The following SS18 variants were observed in gnomAD, a reference collection of about 807,000 sequenced individuals.
SS18 encodes the protein protein SSXT.
Under a neutral mutation model 72.5 loss-of-function variants are expected in SS18, and 28 were observed. That is an observed-to-expected ratio of 0.39 (90% CI 0.29 to 0.53). The LOEUF is 0.53. Among genes scored for constraint, SS18 ranks in the 20% least tolerant of loss-of-function variants. The pLI is 0.76. For synonymous variants in SS18, 172 were observed against 164.2 expected, an observed-to-expected ratio of 1.05 and a Z score of -0.37; for missense variants, 518 against 535.3, an observed-to-expected ratio of 0.97 and a Z score of 0.32.
chr18:26,069,016 T>C (rs2054267210), intron 3 of SS18, among the ~76,000 whole-genome samples: 1 of 152,164 alleles, frequency 6.6e-6, no homozygotes. Context: ...AGACATGCTT[T>C]TATGTACTCA....
rs1028431154 is a variant in SS18 at position 26,018,032 on chromosome 18, A to G, written c.*322T>C. ...AAATTCCCTTACCCTTCATAAACAT[A>G]CAAAGCTGTTCACACCTTTCAGTCT... On this transcript the variant is annotated 3_prime_UTR_variant, in exon 11 of 11. Transcript: ENST00000415083. 2 of 270,704 alleles carry G rather than the reference A, an allele frequency of 7.4e-6. No individual in the cohort carries two copies. The highest frequency in any genetic ancestry group is 4.3e-5 in the African/African-American group (2 of 46,194). The allele number at this position is 270,704 out of a possible 1,614,324, so 16.8% of individuals were successfully genotyped here. A position where few individuals can be genotyped will look rare whatever the true frequency, so the allele number is the denominator to read the frequency against.
chr18:26,038,549 G>A lies in SS18; in HGVS notation c.880+6C>T. ...AAATGGGAAAGTTAACATCAGGAGA[G>A]ATTACCATCAGGGTAATATTGCTGG... On this transcript the variant is annotated splice_donor_region_variant and intron_variant, in intron 7 of 10. Coordinates refer to ENST00000415083, the MANE Select transcript of SS18 (RefSeq NM_001007559.3). 1 of 1,602,580 alleles carries A rather than the reference G, an allele frequency of 6.2e-7. No individual in the cohort carries two copies. The highest frequency in any genetic ancestry group is 8.5e-7 in the Non-Finnish European group (1 of 1,169,698).
intron 5 of SS18, among the ~76,000 whole-genome samples, chr18:26,052,239 G>A (rs1030016805): frequency 3.9e-5 from 6 of 152,126 alleles, no homozygotes; most frequent in African/African-American, 1.4e-4. Context: ...CACAGCATCA[G>A]AAAACATCCA....
chr18:26,031,925 TC>T (rs1288951830), intron 10 of SS18, among the ~76,000 whole-genome samples: 1 of 151,990 alleles, frequency 6.6e-6, no homozygotes, highest in Admixed American at 6.6e-5. Flanking sequence ...AGGCAAAGTC[TC>T]AGCAATAAAC....
chr18:26,041,055 A>T (rs2143898290), intron 5 of SS18, among the ~76,000 whole-genome samples: 1 of 152,354 alleles, frequency 6.6e-6, no homozygotes, highest in South Asian at 2.1e-4. Flanking sequence ...ACTGAGAATA[A>T]GACAAACCTC....
In SS18 at chr18:26,038,658, G is replaced by A. The variant is rs2053667476; in HGVS notation, c.777C>T (p.Gly259=). 1.2e-6 allele frequency: 2 copies of A among 1,612,540 alleles called. No homozygotes were observed. Among genetic ancestry groups the A allele is most frequent in the African/African-American group, 2.7e-5 (2 of 74,962 alleles). The part of the protein sequence containing the change: ...QIPPYRPPQQ[G]PPQQYSGQED... ...CCTGGCCTGAGTACTGCTGTGGTGG[G>A]CCTGAAAAACCACAACCAGTCAAGA... is the stretch of plus-strand genomic sequence containing the variant. The change falls in exon 7 of 11, where the codon GGC becomes GGT. Residue 259 remains glycine, a splice_region_variant and synonymous_variant. Transcript: ENST00000415083.
chr18:26,089,887 G>C (rs2054685918), intron 1 of SS18: 1 of 152,316 alleles, frequency 6.6e-6, no homozygotes. Context: ...TAAATGAATA[G>C]GCGGCGATGC....
At position 26,017,716 on chromosome 18, in the gene SS18, T is replaced by C. The variant is rs2053273595; in HGVS notation, c.*638A>G. 4.6e-6 allele frequency: 1 copy of C among 216,082 alleles called. No homozygotes were observed. The highest frequency in any genetic ancestry group is 2.2e-5 in the African/African-American group (1 of 44,476). 13.4% of individuals were successfully genotyped at this position (216,082 alleles called of 1,614,324 possible). A position where few individuals can be genotyped will look rare whatever the true frequency, so the allele number is the denominator to read the frequency against. ...CTGTATCACAGTGCCCTTGATTATC[T>C]AATAGATAAAAGGGATTTGAATTTC... On this transcript the variant is annotated 3_prime_UTR_variant, in exon 11 of 11. Transcript: ENST00000415083.
In SS18 at chr18:26,057,571, T is replaced by TA. The variant is rs2054043979; in HGVS notation, c.385+17dup. ...CTAAGCAACTCTGGTGTTAATGTCTTAGAGGAGAAAAACTTACCAGGCATC... is the reference window on the plus strand; with the variant it reads ...CTAAGCAACTCTGGTGTTAATGTCTTAAGAGGAGAAAAACTTACCAGGCATC... On this transcript the variant is annotated intron_variant, in intron 4 of 10. Transcript: ENST00000415083. The TA allele has an allele frequency of 6.2e-7, 1 of 1,613,840 alleles. No homozygotes were observed. Among genetic ancestry groups the TA allele is most frequent in the African/African-American group, 1.3e-5 (1 of 74,886 alleles).
In SS18 at chr18:26,057,656, T is replaced by C. The variant is rs1276917565; in HGVS notation, c.318A>G (p.Ser106=). Residue 106 remains serine (S), a synonymous_variant, in exon 4 of 11, where the codon TCA becomes TCG. Coordinates refer to ENST00000415083, the MANE Select transcript of SS18 (RefSeq NM_001007559.3). ...PPPPRSHNMP[S]DGMVGGGPPA... ...GAGGACCCCCACCTACCATTCCATC[T>C]GAAGGCATGTTGTGAGAGCGTGGAG... The C allele has an allele frequency of 1.2e-6, 2 of 1,614,144 alleles. No homozygotes were observed. The highest frequency in any genetic ancestry group is 1.7e-5 in the Admixed American group (1 of 60,014).
chr18:26,089,427 G>C (rs1478001767), intron 1 of SS18, among the ~76,000 whole-genome samples: 1 of 152,180 alleles, frequency 6.6e-6, no homozygotes, highest in Non-Finnish European at 1.5e-5. Context: ...AATGTCAAAA[G>C]CCACACTACG....
At chr18:26,077,759 T>G (rs892873006) in intron 3 of SS18, among the ~76,000 whole-genome samples, 26 of 152,192 alleles carry the variant, frequency 1.7e-4, no homozygotes, top group Non-Finnish European at 3.1e-4. Flanking sequence ...CAGTATTTAC[T>G]GGTCAAACTG....
intron 10 of SS18, among the ~76,000 whole-genome samples, chr18:26,031,458 T>C (rs146865111): frequency 1.3e-4 from 20 of 152,250 alleles, no homozygotes; most frequent in Admixed American, 1.2e-3. Flanking sequence ...TGTTAAAAAA[T>C]AACTTATTTT....
At chr18:26,047,870 G>A (rs552425848) in intron 5 of SS18, among the ~76,000 whole-genome samples, 19 of 152,122 alleles carry the variant, frequency 1.2e-4, no homozygotes, top group African/African-American at 4.6e-4. Context: ...AACAAATAAA[G>A]GTTAAATTCC....
At chr18:26,061,088 TG>T (rs2054116206) in intron 3 of SS18, among the ~76,000 whole-genome samples, 1 of 152,096 alleles carries the variant, frequency 6.6e-6, no homozygotes, top group Admixed American at 6.5e-5. Flanking sequence ...CTGAGGCAGG[TG>T]GATCACGAGG....
chr18:26,082,194 C>G (rs6508410), intron 2 of SS18, among the ~76,000 whole-genome samples: 14,132 of 151,934 alleles, frequency 0.093, 979 homozygotes, highest in African/African-American at 0.17. Context: ...GACAAATATT[C>G]TCAAATACTC....
intron 10 of SS18, among the ~76,000 whole-genome samples, chr18:26,027,629 G>A (rs772313133): frequency 5.3e-5 from 7 of 131,042 alleles, no homozygotes; most frequent in Non-Finnish European, 9.3e-5. Context: ...CTGAGATCGC[G>A]CCACTGCACA....
intron 6 of SS18, 110 bp downstream of exon 6, chr18:26,039,179 A>G (rs980467972): frequency 2.7e-5 from 22 of 819,470 alleles, no homozygotes; most frequent in Middle Eastern, 4.3e-4. Context: ...AAAAAAAAAA[A>G]AAAAAAAAAA....
intron 5 of SS18, among the ~76,000 whole-genome samples, chr18:26,044,285 C>T (rs9963501): frequency 2.6e-5 from 4 of 151,042 alleles, no homozygotes; most frequent in Non-Finnish European, 5.9e-5. Flanking sequence ...TGAAGTAAGA[C>T]GTGTTTTTTA....
Sources: gnomAD v4.1 joint callset for allele counts (sites outside exome capture counted in the v4.1 genomes callset) on GRCh38, gnomAD v4.1.1 for gene constraint, MANE v1.5 for transcripts, NCBI Gene and HGNC (gene_info 2026-07-23, HGNC 2026-07-21) for gene names.